C4orf17: variants seen among roughly 807,000 people sequenced by gnomAD.
The protein encoded by C4orf17 is chromosome 4 open reading frame 17, also known as uncharacterized protein C4orf17.
C4orf17 carries 25 observed loss-of-function variants against 32.0 expected under a neutral mutation model. The ratio of observed to expected loss-of-function variants is 0.78; its 90% CI spans 0.57 to 1.09. The LOEUF is 1.09. Ranked by LOEUF, C4orf17 falls within the 50% of genes least tolerant of loss-of-function variation. The pLI, the probability that C4orf17 is intolerant of heterozygous loss-of-function variation, is 0.00. For synonymous variants in C4orf17, 149 were observed against 145.8 expected (o/e 1.02, Z -0.16); for missense variants, 420 against 420.0 (o/e 1.00, Z 0.00).
intron 5 of C4orf17, among the ~76,000 whole-genome samples, chr4:99,530,795 A>T (rs1413299969): frequency 6.8e-6 from 1 of 147,852 alleles, no homozygotes; most frequent in South Asian, 2.1e-4. Context: ...CTTGAGGAGA[A>T]TAAAAGGAAA....
At chr4:99,522,257 A>C (rs1007666822) in intron 2 of C4orf17, among the ~76,000 whole-genome samples, 1 of 152,018 alleles carries the variant, frequency 6.6e-6, no homozygotes, top group Non-Finnish European at 1.5e-5. Flanking sequence ...GGCCCTGAAG[A>C]CTGACAAAAT....
At chr4:99,522,420 G>T in intron 2 of C4orf17, 80 bp from the exon 3 acceptor site, 1 of 1,082,406 alleles carries the variant, frequency 9.2e-7, no homozygotes. Context: ...TTGGGAAATT[G>T]TTGATCATTC....
intron 2 of C4orf17, among the ~76,000 whole-genome samples, chr4:99,521,044 A>G (rs966375349): frequency 1.3e-5 from 2 of 152,208 alleles, no homozygotes; most frequent in Non-Finnish European, 2.9e-5. Flanking sequence ...TAATATTCCA[A>G]ATTAGCTAAT....
intron 1 of C4orf17, among the ~76,000 whole-genome samples, chr4:99,512,269 A>C (rs1043331106): frequency 3.9e-5 from 6 of 152,202 alleles, no homozygotes; most frequent in Admixed American, 3.3e-4. Flanking sequence ...AGATTTCAAA[A>C]GCATACTATT....
In C4orf17 at chr4:99,540,488, G is replaced by T; in HGVS notation, c.880+33G>T. ...ACAGTTTTTGGTAACTATTGAGTTG[G>T]TATAAAGAAACCAGTAAGTACTAAT... On this transcript the variant is annotated intron_variant, in intron 8 of 8. Transcript: ENST00000326581. 2.7e-6 allele frequency: 4 copies of T among 1,492,814 alleles called. No homozygotes were observed. In the South Asian group the frequency reaches 3.4e-5, roughly 13 times the overall value. 92.5% of individuals were successfully genotyped at this position (1,492,814 alleles called of 1,614,324 possible). A position where few individuals can be genotyped will look rare whatever the true frequency, so the allele number is the denominator to read the frequency against.
chr4:99,525,042 A>T (rs1016644624), intron 4 of C4orf17, among the ~76,000 whole-genome samples: 1 of 152,210 alleles, frequency 6.6e-6, no homozygotes, highest in African/African-American at 2.4e-5. Context: ...GCTGAGTAGT[A>T]TTCAATTGTA....
intron 2 of C4orf17, 151 bp downstream of exon 2, chr4:99,513,359 T>G (rs2110164086): frequency 1.0e-6 from 1 of 966,346 alleles, no homozygotes; most frequent in South Asian, 1.5e-5. Context: ...GCCAGCACTG[T>G]AGTGAGAGCA....
intron 5 of C4orf17, among the ~76,000 whole-genome samples, chr4:99,534,647 C>T (rs1380590799): frequency 6.6e-6 from 1 of 152,116 alleles, no homozygotes; most frequent in Non-Finnish European, 1.5e-5. Context: ...CATCTATTGT[C>T]TTTTGACTTT....
At chr4:99,526,458 G>A (rs7436128) in intron 4 of C4orf17, among the ~76,000 whole-genome samples, 39,771 of 151,924 alleles carry the variant, frequency 0.26, 5,369 homozygotes, top group South Asian at 0.35. Flanking sequence ...AAGTCTTTTT[G>A]TGGTTTTAAT....
chr4:99,528,876 G>A (rs974413218), intron 4 of C4orf17, among the ~76,000 whole-genome samples: 14 of 152,180 alleles, frequency 9.2e-5, no homozygotes, highest in African/African-American at 3.4e-4. Context: ...ACATTTGGGA[G>A]GGGACACAGA....
At chr4:99,520,598 A>G (rs1271253402) in intron 2 of C4orf17, among the ~76,000 whole-genome samples, 2 of 152,048 alleles carry the variant, frequency 1.3e-5, no homozygotes, top group Non-Finnish European at 2.9e-5. Context: ...TATGTCTTCA[A>G]CTCTCCTCTA....
chr4:99,512,933 A>G (rs1723119920), intron 1 of C4orf17, 56 bp from the exon 2 acceptor site: 4 of 716,196 alleles, frequency 5.6e-6, no homozygotes, highest in African/African-American at 1.8e-5. Flanking sequence ...AATGTTTGAT[A>G]TATAAGAAAG....
chr4:99,521,559 A>G (rs2718676), intron 2 of C4orf17, among the ~76,000 whole-genome samples: 116,186 of 152,042 alleles, frequency 0.76, 44,552 homozygotes, highest in East Asian at 0.87. Context: ...GAGAGTGATC[A>G]GGCACATTTC....
rs140313930 is a variant in C4orf17, at chr4:99,537,506, G to A, written c.547-163G>A. Among the ~76,000 whole-genome samples, 150 of 152,280 alleles carry A rather than the reference G, an allele frequency of 9.9e-4. 3 individuals carry two copies. Among genetic ancestry groups the A allele is most frequent in the Middle Eastern group, 6.8e-3 (2 of 294 alleles). Reference sequence around the variant, plus strand: ...TGTTTTCACTAAGATTCTACTGTGTGCTATTTGAAATCGAGCTCGTGAGTT... The same window carrying A: ...TGTTTTCACTAAGATTCTACTGTGTACTATTTGAAATCGAGCTCGTGAGTT... On this transcript the variant is annotated intron_variant, in intron 5 of 8. Coordinates refer to ENST00000326581, the MANE Select transcript of C4orf17 (RefSeq NM_032149.3).
At chr4:99,518,083 A>G (rs1266607359) in intron 2 of C4orf17, among the ~76,000 whole-genome samples, 2 of 152,028 alleles carry the variant, frequency 1.3e-5, no homozygotes, top group Non-Finnish European at 2.9e-5. Context: ...AATATTTTGT[A>G]AATTAAGCCA....
chr4:99,532,010 T>A (rs1288400018), intron 5 of C4orf17, among the ~76,000 whole-genome samples: 2 of 152,166 alleles, frequency 1.3e-5, no homozygotes, highest in Non-Finnish European at 2.9e-5. Flanking sequence ...ATTCCGTGTC[T>A]ATTAGCACCT....
intron 5 of C4orf17, 144 bp from the exon 6 acceptor site, chr4:99,537,525 G>T (rs958891214): frequency 6.4e-6 from 4 of 622,108 alleles, no homozygotes; most frequent in Non-Finnish European, 1.2e-5. Context: ...AATCGAGCTC[G>T]TGAGTTAAAA....
chr4:99,523,952 A>G (rs1723339069), intron 3 of C4orf17, among the ~76,000 whole-genome samples: 1 of 151,484 alleles, frequency 6.6e-6, no homozygotes, highest in African/African-American at 2.4e-5. Flanking sequence ...ACAGAGAAAA[A>G]TATGTCTTAT....
At chr4:99,515,469 C>T (rs1327934699) in intron 2 of C4orf17, among the ~76,000 whole-genome samples, 1 of 152,166 alleles carries the variant, frequency 6.6e-6, no homozygotes, top group Non-Finnish European at 1.5e-5. Flanking sequence ...ATCACATGTT[C>T]TCCTTTGTAA....
Sources: gnomAD v4.1 joint callset for allele counts (sites outside exome capture counted in the v4.1 genomes callset) on GRCh38, gnomAD v4.1.1 for gene constraint, MANE v1.5 for transcripts, NCBI Gene and HGNC (gene_info 2026-07-23, HGNC 2026-07-21) for gene names.